KIAA0825: variants seen among roughly 807,000 people sequenced by gnomAD.
The protein encoded by KIAA0825 is uncharacterized protein KIAA0825.
In KIAA0825, 119 loss-of-function variants were observed where a neutral mutation model predicts 147.6. That is an observed-to-expected ratio of 0.81 (90% CI 0.69 to 0.94). The LOEUF is 0.94. Ranked by LOEUF, KIAA0825 falls within the 40% of genes least tolerant of loss-of-function variation. The pLI is 0.00. For missense variants in KIAA0825, 1,381 were observed against 1,472.7 expected (o/e 0.94, Z 1.02); for synonymous variants, 470 against 518.1 (o/e 0.91, Z 1.26).
intron 14 of KIAA0825, among the ~76,000 whole-genome samples, chr5:94,426,841 T>C (rs539192201): frequency 1.4e-4 from 21 of 152,296 alleles, no homozygotes; most frequent in African/African-American, 4.3e-4. Context: ...ATGTAAAATA[T>C]CATGTATCAA....
rs73773657 is a variant in KIAA0825, at chr5:94,388,019, G to A, written c.3457-1615C>T. Among the ~76,000 whole-genome samples the A allele has an allele frequency of 4.7e-3, 714 of 152,274 alleles. 4 individuals carry two copies. The highest frequency in any genetic ancestry group is 0.016 in the African/African-American group (675 of 41,552). ...CTTACTTGTTATAGAGCAGCAGTCC[G>A]CAATCTTTTTAGCACCAGGGACCAG... On this transcript the variant is annotated intron_variant, in intron 18 of 20. Coordinates refer to ENST00000682413, the MANE Select transcript of KIAA0825 (RefSeq NM_001145678.3).
chr5:94,443,844 C>T (rs1757410556), intron 13 of KIAA0825, among the ~76,000 whole-genome samples: 1 of 152,178 alleles, frequency 6.6e-6, no homozygotes, highest in African/African-American at 2.4e-5. Context: ...AGGGTTCACA[C>T]TGGGATATGA....
intron 1 of KIAA0825, among the ~76,000 whole-genome samples, chr5:94,612,764 G>A (rs1585045410): frequency 6.6e-6 from 1 of 152,120 alleles, no homozygotes; most frequent in African/African-American, 2.4e-5. Context: ...ACACAACTGT[G>A]ACTGTCACAC....
At chr5:94,542,491 G>A (rs1773530800) in intron 2 of KIAA0825, among the ~76,000 whole-genome samples, 1 of 152,168 alleles carries the variant, frequency 6.6e-6, no homozygotes, top group Non-Finnish European at 1.5e-5. Flanking sequence ...TGGCAATATA[G>A]TTATTTGCAT....
intron 3 of KIAA0825, among the ~76,000 whole-genome samples, chr5:94,530,337 A>C (rs942713165): frequency 2.0e-5 from 3 of 151,518 alleles, no homozygotes; most frequent in Admixed American, 2.0e-4. Flanking sequence ...TATGAATGAG[A>C]CAGAGTTTCA....
intron 12 of KIAA0825, among the ~76,000 whole-genome samples, chr5:94,453,468 T>C (rs992118046): frequency 4.0e-5 from 6 of 151,852 alleles, no homozygotes; most frequent in Non-Finnish European, 7.4e-5. Context: ...ATTACAGGCG[T>C]GAGCCACTGT....
At chr5:94,564,744 T>C (rs1463936022) in intron 2 of KIAA0825, among the ~76,000 whole-genome samples, 4 of 152,046 alleles carry the variant, frequency 2.6e-5, no homozygotes, top group Non-Finnish European at 4.4e-5. Context: ...TGTTTACATA[T>C]CCAGTTAGGT....
At chr5:94,440,919 GAAC>G (rs1756999521) in intron 13 of KIAA0825, among the ~76,000 whole-genome samples, 1 of 152,020 alleles carries the variant, frequency 6.6e-6, no homozygotes, top group Non-Finnish European at 1.5e-5. Context: ...CTTACAAGGA[GAAC>G]AACAACAAAA....
intron 20 of KIAA0825, among the ~76,000 whole-genome samples, chr5:94,200,115 G>A (rs1031654569): frequency 1.6e-4 from 24 of 152,104 alleles, no homozygotes; most frequent in African/African-American, 5.8e-4. Context: ...CTGTCCCCAC[G>A]CCAAACCTTG....
intron 17 of KIAA0825, among the ~76,000 whole-genome samples, chr5:94,393,939 C>T (rs186974737): frequency 1.6e-4 from 24 of 151,928 alleles, no homozygotes; most frequent in Admixed American, 1.2e-3. Flanking sequence ...ACCTCCGCCT[C>T]CCGGGTTCAA....
chr5:94,389,798 A>G (rs1433004982), intron 18 of KIAA0825, among the ~76,000 whole-genome samples: 4 of 152,138 alleles, frequency 2.6e-5, no homozygotes, highest in African/African-American at 9.7e-5. Flanking sequence ...GTTTGGGCTT[A>G]TTGCCTGTGT....
intron 20 of KIAA0825, among the ~76,000 whole-genome samples, chr5:94,164,873 G>T (rs779017881): frequency 1.3e-5 from 2 of 152,066 alleles, no homozygotes; most frequent in Non-Finnish European, 2.9e-5. Context: ...ATGGATTAAA[G>T]ACATAAAATA....
intron 12 of KIAA0825, among the ~76,000 whole-genome samples, chr5:94,453,978 A>G (rs1428667548): frequency 3.3e-5 from 5 of 152,084 alleles, no homozygotes; most frequent in Admixed American, 1.3e-4. Flanking sequence ...GGGCTTATAA[A>G]GAAGAATTTA....
chr5:94,173,531 G>C (rs1768823836), intron 20 of KIAA0825, among the ~76,000 whole-genome samples: 1 of 152,220 alleles, frequency 6.6e-6, no homozygotes, highest in East Asian at 1.9e-4. Context: ...CCCGTTGTTT[G>C]GACTTCTGAC....
intron 2 of KIAA0825, among the ~76,000 whole-genome samples, chr5:94,555,973 T>A (rs1365918463): frequency 6.6e-6 from 1 of 152,144 alleles, no homozygotes; most frequent in Non-Finnish European, 1.5e-5. Context: ...AAAATTTAAG[T>A]TATGGAGCAC....
At chr5:94,600,309 G>A (rs114579685) in intron 1 of KIAA0825, among the ~76,000 whole-genome samples, 2,586 of 151,802 alleles carry the variant, frequency 0.017, 66 homozygotes, top group African/African-American at 0.059. Context: ...CCCATCAGTG[G>A]GGATATTTCC....
At chr5:94,574,543 C>CAAAA (rs1181241238) in intron 2 of KIAA0825, among the ~76,000 whole-genome samples, 20 of 65,508 alleles carry the variant, frequency 3.1e-4, no homozygotes, top group East Asian at 1.0e-3. Flanking sequence ...GACTCCATCT[C>CAAAA]AAAAAAAAAA....
intron 20 of KIAA0825, among the ~76,000 whole-genome samples, chr5:94,364,291 C>A (rs1198578397): frequency 6.6e-6 from 1 of 151,510 alleles, no homozygotes; most frequent in Admixed American, 6.6e-5. Flanking sequence ...GGGGTGATGA[C>A]AGTCAGTGCA....
At chr5:94,436,105 G>A (rs1479639006) in intron 14 of KIAA0825, among the ~76,000 whole-genome samples, 1 of 151,934 alleles carries the variant, frequency 6.6e-6, no homozygotes, top group African/African-American at 2.4e-5. Context: ...AGCTTCTTTT[G>A]CTGTGCAGAA....
Sources: allele counts gnomAD v4.1 joint callset (sites outside exome capture counted in the v4.1 genomes callset), GRCh38; gene constraint gnomAD v4.1.1; transcripts MANE v1.5; gene names NCBI Gene and HGNC (gene_info 2026-07-23, HGNC 2026-07-21).